The following CCNL1 variants were observed in gnomAD, a reference collection of about 807,000 sequenced individuals.
The protein encoded by CCNL1 is cyclin-L1.
Under a neutral mutation model 60.6 loss-of-function variants are expected in CCNL1, and 13 were observed. That is an observed-to-expected ratio of 0.21 (90% confidence interval 0.14 to 0.34). The LOEUF (loss-of-function observed/expected upper bound fraction) is 0.34, where lower values mean the gene tolerates loss of function less well. Among genes scored for constraint, CCNL1 ranks in the 10% least tolerant of loss-of-function variants. The probability of loss-of-function intolerance (pLI) is 1.00; values close to 1 mark genes in which losing one functional copy is unlikely to be tolerated. For missense variants in CCNL1, 481 were observed against 664.3 expected, an observed-to-expected ratio of 0.72 and a Z score of 3.03; for synonymous variants, 270 against 244.3, an observed-to-expected ratio of 1.10 and a Z score of -0.98.
chr3:157,156,252 T>C (rs1336384953), intron 3 of CCNL1, among the ~76,000 whole-genome samples: 13 of 152,212 alleles, frequency 8.5e-5, no homozygotes, highest in African/African-American at 2.7e-4. Flanking sequence ...ACATCCTTTA[T>C]AGGTATTTAA....
In CCNL1 at chr3:157,159,897, G is replaced by A; in HGVS notation, c.198C>T (p.Pro66=). The change falls in exon 1 of 11, where the codon CCC becomes CCT. Residue 66 remains proline, a synonymous_variant. Coordinates refer to ENST00000295926, the MANE Select transcript of CCNL1 (RefSeq NM_020307.4). ...CGAGCCCATCCTGCATGGATGGGGTGGGCGAGAGCCTCTCCTCCGGAATCA... is the reference window on the plus strand; with the variant it reads ...CGAGCCCATCCTGCATGGATGGGGTAGGCGAGAGCCTCTCCTCCGGAATCA... ...HSLIPEERLS[P]TPSMQDGLDL... 6.2e-7 allele frequency: 1 copy of A among 1,605,064 alleles called. No individual in the cohort carries two copies. The highest frequency in any genetic ancestry group is 2.2e-5 in the East Asian group (1 of 44,448).
At chr3:157,145,466 C>CAAAAAAAAAAAAAAAA (rs1737755942), downstream of CCNL1, among the ~76,000 whole-genome samples, 42 of 88,968 alleles carry the variant, frequency 4.7e-4, 7 homozygotes, top group African/African-American at 1.7e-3. Flanking sequence ...AAAAAAAAAC[C>CAAAAAAAAAAAAAAAA]AAAACGGGAT....
At chr3:157,146,611 A>G, downstream of CCNL1, 1 of 136,946 alleles carries the variant, frequency 7.3e-6, no homozygotes, top group Non-Finnish European at 1.6e-5. Context: ...CTCGTCTCTA[A>G]AAAAAAAAAA....
chr3:157,156,821 A>G, intron 3 of CCNL1: 1 of 806,562 alleles, frequency 1.2e-6, no homozygotes, highest in Non-Finnish European at 1.7e-6. Context: ...CTTTCTAATG[A>G]CATTAACCTA....
At chr3:157,147,417 A>G (rs1737822618), downstream of CCNL1, 2 of 222,796 alleles carry the variant, frequency 9.0e-6, no homozygotes, top group Non-Finnish European at 1.5e-5. Context: ...GTAACATTAA[A>G]TGCCTAAATT....
intron 1 of CCNL1, 132 bp from the exon 2 acceptor site, chr3:157,159,611 A>G: frequency 9.9e-7 from 1 of 1,010,640 alleles, no homozygotes. Context: ...GCCCGCTGCC[A>G]AGTCCTCCCT....
At position 157,149,551 on chromosome 3, in the gene CCNL1, A is replaced by C. The variant is rs764641907; in HGVS notation, c.1067T>G (p.Ile356Ser). 2 of 1,614,046 alleles carry C rather than the reference A, an allele frequency of 1.2e-6. No homozygotes were observed. The highest frequency in any genetic ancestry group is 2.2e-5 in the South Asian group (2 of 91,066). The change falls in exon 9 of 11, where the codon ATT (isoleucine) becomes AGT (serine). Residue 356 changes from isoleucine (I) to serine (S), a missense_variant. Physicochemically the swap from Ile to Ser is moderately radical, Grantham distance 142. This residue lies in a region of CCNL1 where 197 missense variants were observed against 233.9 expected (regional missense o/e 0.84). Coordinates refer to ENST00000295926, the MANE Select transcript of CCNL1 (RefSeq NM_020307.4). ...VKAEEKSPIS[I>S]NVKTVKKEPE... is the part of the protein sequence containing the mutation. The stretch of plus-strand genomic sequence containing the variant: ...TTCTTTTTTGACTGTCTTCACATTA[A>C]TGGAGATTGGTGATTTCTCTTCAGC...
chr3:157,153,947 G>GA (rs1738397151), intron 3 of CCNL1: 1 of 152,124 alleles, frequency 6.6e-6, no homozygotes, highest in South Asian at 2.1e-4. Flanking sequence ...GCCCAAATTT[G>GA]GTCAGGGTTG....
chr3:157,158,824 A>G (rs771816806), intron 3 of CCNL1, 42 bp downstream of exon 3: 17 of 1,230,678 alleles, frequency 1.4e-5, no homozygotes, highest in South Asian at 7.3e-5. Flanking sequence ...TGCACGGTAC[A>G]GCAGTAGCAA....
chr3:157,156,811 C>A, intron 3 of CCNL1: 1 of 709,852 alleles, frequency 1.4e-6, no homozygotes. Context: ...ACTGATAGTA[C>A]TTTCTAATGA....
intron 5 of CCNL1, chr3:157,151,476 ATAT>A (rs1477952610): frequency 4.1e-6 from 4 of 985,768 alleles, no homozygotes; most frequent in South Asian, 4.7e-5. Flanking sequence ...CTTGCTTCTA[ATAT>A]TATTACCCGC....
At chr3:157,151,372 G>T in intron 5 of CCNL1, 1 of 985,848 alleles carries the variant, frequency 1.0e-6, no homozygotes, top group Non-Finnish European at 1.2e-6. Flanking sequence ...AAATAAGCCA[G>T]CACTCCAAAT....
intron 3 of CCNL1, chr3:157,154,299 C>T (rs1738421090): frequency 6.6e-6 from 1 of 152,128 alleles, no homozygotes; most frequent in African/African-American, 2.4e-5. Flanking sequence ...CTGAAATTTA[C>T]CCAAGTCCAA....
intron 3 of CCNL1, among the ~76,000 whole-genome samples, chr3:157,158,118 A>G (rs896247150): frequency 1.3e-5 from 2 of 152,238 alleles, no homozygotes; most frequent in Non-Finnish European, 2.9e-5. Flanking sequence ...GTACTGCCTC[A>G]CAGGAACACA....
chr3:157,154,894 T>C (rs1738491383), intron 3 of CCNL1, among the ~76,000 whole-genome samples: 1 of 152,000 alleles, frequency 6.6e-6, no homozygotes, highest in South Asian at 2.1e-4. Context: ...TAAGTCAAAC[T>C]TAATTCTCAT....
rs1171640804 is a variant in CCNL1 at position 157,159,456 on chromosome 3, C to T, written c.327G>A (p.Val109=). Residue 109 remains valine (V), a synonymous_variant, in exon 2 of 11, where the codon GTG becomes GTA. Transcript: ENST00000295926. ...LPQVAMATGQ[V]LFHRFFYSKS... Reference sequence around the variant, plus strand: ...TGGAGTAGAAAAAACGATGAAACAACACCTGCCCCGTTGCCATCGCCACCT... The same window carrying T: ...TGGAGTAGAAAAAACGATGAAACAATACCTGCCCCGTTGCCATCGCCACCT... The T allele has an allele frequency of 1.2e-6, 2 of 1,613,674 alleles. No homozygotes were observed. The highest frequency in any genetic ancestry group is 1.1e-5 in the South Asian group (1 of 91,062).
intron 3 of CCNL1, among the ~76,000 whole-genome samples, chr3:157,157,248 T>C (rs541464169): frequency 1.3e-5 from 2 of 152,340 alleles, no homozygotes; most frequent in South Asian, 4.1e-4. Flanking sequence ...TAATCAGACT[T>C]CTAAGATTGA....
rs1333011916 is a variant in CCNL1 at position 157,159,911 on chromosome 3, C to T, written c.184G>A (p.Glu62Lys). ...ATGGATGGGGTGGGCGAGAGCCTCT[C>T]CTCCGGAATCAGAGAGTGGTCGATG... ...LTIDHSLIPE[E>K]RLSPTPSMQD... Residue 62 changes from glutamate (E) to lysine (K), a missense_variant, in exon 1 of 11, where the codon GAG (glutamate) becomes AAG (lysine). Physicochemically the swap from Glu to Lys is moderately conservative, Grantham distance 56. Transcript: ENST00000295926. 6 of 1,606,696 alleles carry T rather than the reference C, an allele frequency of 3.7e-6. No individual in the cohort carries two copies. The highest frequency in any genetic ancestry group is 3.4e-6 in the Non-Finnish European group (4 of 1,176,558).
At position 157,148,147 on chromosome 3, in the gene CCNL1, A is replaced by T; in HGVS notation, c.*94T>A. ...AGAGGGTTTCAAGAAATCAAATCCTAATCAGTTTGCGTTTAATGTTTTTGA... is the reference window on the plus strand; with the variant it reads ...AGAGGGTTTCAAGAAATCAAATCCTTATCAGTTTGCGTTTAATGTTTTTGA... On this transcript the variant is annotated 3_prime_UTR_variant, in exon 11 of 11. Coordinates refer to ENST00000295926, the MANE Select transcript of CCNL1 (RefSeq NM_020307.4). 6.7e-7 allele frequency: 1 copy of T among 1,488,584 alleles called. No homozygotes were observed. Among genetic ancestry groups the T allele is most frequent in the East Asian group, 2.3e-5 (1 of 42,768 alleles). The allele number at this position is 1,488,584 out of a possible 1,614,324, so 92.2% of individuals were successfully genotyped here. A position where few individuals can be genotyped will look rare whatever the true frequency, so the allele number is the denominator to read the frequency against.
Sources: allele counts gnomAD v4.1 joint callset (sites outside exome capture counted in the v4.1 genomes callset), GRCh38; gene constraint gnomAD v4.1.1; regional missense constraint gnomAD v4.1.1; transcripts MANE v1.5; gene names NCBI Gene and HGNC (gene_info 2026-07-23, HGNC 2026-07-21).